The following PARD3 variants were observed in gnomAD, a reference collection of about 807,000 sequenced individuals.
PARD3 encodes partitioning defective 3 homolog.
In PARD3, 75 loss-of-function variants were observed where a neutral mutation model predicts 155.4. That is an observed-to-expected ratio of 0.48 (90% CI 0.40 to 0.58). PARD3 has a LOEUF of 0.58. Among genes scored for constraint, PARD3 ranks in the 20% least tolerant of loss-of-function variants. The pLI is 0.00. For missense variants in PARD3, 1,642 were observed against 1,721.7 expected, an observed-to-expected ratio of 0.95 and a Z score of 0.82; for synonymous variants, 576 against 610.5, an observed-to-expected ratio of 0.94 and a Z score of 0.83.
intron 2 of PARD3, among the ~76,000 whole-genome samples, chr10:34,663,524 G>A (rs971619966): frequency 2.6e-5 from 4 of 152,066 alleles, no homozygotes; most frequent in African/African-American, 7.2e-5. Context: ...GTCATCACAT[G>A]CCTGTACCGA....
At chr10:34,132,629 A>ATTCAC (rs1444288169) in intron 22 of PARD3, among the ~76,000 whole-genome samples, 1 of 152,208 alleles carries the variant, frequency 6.6e-6, no homozygotes, top group Admixed American at 6.5e-5. Context: ...GGTCTATGCC[A>ATTCAC]TTCACTAAAG....
chr10:34,486,619 G>GCAA (rs1160844794), intron 3 of PARD3, among the ~76,000 whole-genome samples: 6 of 152,202 alleles, frequency 3.9e-5, no homozygotes, highest in African/African-American at 1.4e-4. Flanking sequence ...TTTGGATGAG[G>GCAA]CAACTCAGTG....
rs1366038717 is a variant in PARD3, at chr10:34,801,299, C to T, written c.120+13577G>A. 2.6e-5 allele frequency among the ~76,000 whole-genome samples: 4 copies of T among 152,192 alleles called. No homozygotes were observed. In the East Asian group the frequency reaches 5.8e-4, roughly 22 times the overall value. Reference sequence around the variant, plus strand: ...AGGGATCAGAGTCAAAATAGGAGTGCTGTGCCATTAGATAAGCTTTACTAC... The same window carrying T: ...AGGGATCAGAGTCAAAATAGGAGTGTTGTGCCATTAGATAAGCTTTACTAC... On this transcript the variant is annotated intron_variant, in intron 1 of 24. Coordinates refer to ENST00000374788, the MANE Select transcript of PARD3 (RefSeq NM_001184785.2).
rs553275668 is a variant in PARD3, at chr10:34,331,219, G to A, written c.2731C>T (p.Arg911Trp). The A allele has an allele frequency of 8.7e-6, 14 of 1,613,828 alleles. 1 individual carries two copies. The highest frequency in any genetic ancestry group is 5.5e-5 in the South Asian group (5 of 91,060). ...GDIPFHRPRP[R>W]IIRGRGCNES... is the part of the protein sequence containing the mutation. ...TTGCATCCCCTGCCTCTGATTATCC[G>A]CGGCCGTGGACGATGGAAAGGAATA... Residue 911 changes from arginine (R) to tryptophan (W), a missense_variant, in exon 19 of 25, where the codon CGG (arginine) becomes TGG (tryptophan). By Grantham distance (101) the Arg-to-Trp change is moderately radical. Around this residue, in one of 3 missense-constraint regions of PARD3, gnomAD observed 1,529 missense variants for 1,587.3 expected, o/e 0.96. Coordinates refer to ENST00000374788, the MANE Select transcript of PARD3 (RefSeq NM_001184785.2).
In PARD3 at chr10:34,317,269, G is replaced by C. The variant is rs1048974398; in HGVS notation, c.2903C>G (p.Ser968Cys). ...ESVSTASDQP[S>C]HSLERQMNGN... The stretch of plus-strand genomic sequence containing the variant: ...ATTCATTTGTCTCTCCAGAGAGTGG[G>C]AAGGCTGATCACTGGCTGTGGATAC... The change falls in exon 20 of 25, where the codon TCC becomes TGC. Residue 968 changes from serine (S) to cysteine (C), a missense_variant. Coordinates refer to ENST00000374788, the MANE Select transcript of PARD3 (RefSeq NM_001184785.2). 6.2e-7 allele frequency: 1 copy of C among 1,613,564 alleles called. No individual in the cohort carries two copies. Among genetic ancestry groups the C allele is most frequent in the Non-Finnish European group, 8.5e-7 (1 of 1,179,910 alleles).
At chr10:34,185,435 G>T (rs1213978998) in intron 22 of PARD3, among the ~76,000 whole-genome samples, 1 of 152,138 alleles carries the variant, frequency 6.6e-6, no homozygotes, top group Non-Finnish European at 1.5e-5. Context: ...AGAGAAAAGG[G>T]TCTTTAAATT....
rs112624681 is a variant in PARD3 at position 34,775,519 on chromosome 10, C to T, written c.120+39357G>A. On this transcript the variant is annotated intron_variant, in intron 1 of 24. Transcript: ENST00000374788. ...GCAAGACCCTATCTCAAAAAACAAA[C>T]AAAAAGAAAGGACAAGTCTCCTTAC... Among the ~76,000 whole-genome samples, 831 of 152,198 alleles carry T rather than the reference C, an allele frequency of 5.5e-3. 9 individuals carry two copies. Among genetic ancestry groups the T allele is most frequent in the African/African-American group, 0.019 (790 of 41,522 alleles).
intron 2 of PARD3, among the ~76,000 whole-genome samples, chr10:34,542,217 G>GTA (rs2083667753): frequency 2.2e-4 from 1 of 4,634 alleles, no homozygotes; most frequent in African/African-American, 2.6e-4. Flanking sequence ...GTGTGTGTGT[G>GTA]TGTGTGTGTG....
At chr10:34,402,799 T>C (rs1003068397) in intron 5 of PARD3, among the ~76,000 whole-genome samples, 2 of 152,150 alleles carry the variant, frequency 1.3e-5, no homozygotes, top group African/African-American at 4.8e-5. Context: ...AATGGGATAA[T>C]CAGTATTCAA....
intron 22 of PARD3, among the ~76,000 whole-genome samples, chr10:34,138,811 T>C (rs577592951): frequency 2.6e-5 from 4 of 152,104 alleles, no homozygotes; most frequent in Non-Finnish European, 5.9e-5. Context: ...CAAAATTCTA[T>C]TCCAAATGCT....
At chr10:34,179,103 T>A (rs1460384546) in intron 22 of PARD3, among the ~76,000 whole-genome samples, 2 of 152,170 alleles carry the variant, frequency 1.3e-5, no homozygotes, top group Non-Finnish European at 2.9e-5. Context: ...TCAATATTTC[T>A]CCCTGTCCTT....
At chr10:34,760,879 C>T (rs1349146624) in intron 1 of PARD3, among the ~76,000 whole-genome samples, 2 of 152,308 alleles carry the variant, frequency 1.3e-5, no homozygotes, top group East Asian at 3.9e-4. Flanking sequence ...AACTAACACA[C>T]ACCTCAAGTC....
At chr10:34,647,350 G>A (rs769063002) in intron 2 of PARD3, among the ~76,000 whole-genome samples, 3 of 152,170 alleles carry the variant, frequency 2.0e-5, no homozygotes, top group East Asian at 1.9e-4. Flanking sequence ...AGGGAGGAGC[G>A]GATGAGTTAA....
chr10:34,239,976 A>T (rs1953477985), intron 22 of PARD3, among the ~76,000 whole-genome samples: 2 of 152,296 alleles, frequency 1.3e-5, no homozygotes, highest in South Asian at 4.1e-4. Flanking sequence ...TTGTTACAAG[A>T]TAGTAGGAAA....
chr10:34,514,772 A>C (rs566687466), intron 3 of PARD3, among the ~76,000 whole-genome samples: 1 of 152,366 alleles, frequency 6.6e-6, no homozygotes, highest in South Asian at 2.1e-4. Context: ...GTGGATGGTT[A>C]TGTGTTAGAA....
chr10:34,386,248 A>G (rs1842334649), intron 7 of PARD3, among the ~76,000 whole-genome samples: 1 of 152,180 alleles, frequency 6.6e-6, no homozygotes, highest in South Asian at 2.1e-4. Context: ...GACTAGTAAA[A>G]ACAATATTAT....
intron 1 of PARD3, among the ~76,000 whole-genome samples, chr10:34,768,413 G>GGGACAACTCGAAGCAAAGGCA (rs1838403540): frequency 6.6e-6 from 1 of 152,184 alleles, no homozygotes; most frequent in East Asian, 1.9e-4. Context: ...AAGCAAAGGC[G>GGGACAACTCGAAGCAAAGGCA]GGACAACTGG....
chr10:34,678,101 TCTCA>T (rs1461383829), intron 2 of PARD3, among the ~76,000 whole-genome samples: 1 of 152,078 alleles, frequency 6.6e-6, no homozygotes, highest in African/African-American at 2.4e-5. Flanking sequence ...TGAGACAGGG[TCTCA>T]CTCAGTCACC....
chr10:34,222,231 AG>A (rs766245996), intron 22 of PARD3, among the ~76,000 whole-genome samples: 2 of 152,218 alleles, frequency 1.3e-5, no homozygotes, highest in Non-Finnish European at 2.9e-5. Context: ...GCTCTGAATA[AG>A]GGGCCCAGCA....
Sources: allele counts gnomAD v4.1 joint callset (sites outside exome capture counted in the v4.1 genomes callset), GRCh38; gene constraint gnomAD v4.1.1; regional missense constraint gnomAD v4.1.1; transcripts MANE v1.5; gene names NCBI Gene and HGNC (gene_info 2026-07-23, HGNC 2026-07-21).